Variants in PCDHA8 observed in about 807,000 individuals in gnomAD.
PCDHA8 encodes the protein protocadherin alpha 8.
In PCDHA8, 53 loss-of-function variants were observed where a neutral mutation model predicts 61.8. That is an observed-to-expected ratio of 0.86 (90% CI 0.69 to 1.08). The LOEUF is 1.08. Ranked by LOEUF, PCDHA8 falls within the 50% of genes least tolerant of loss-of-function variation. The pLI is 0.00. For missense variants in PCDHA8, 1,293 were observed against 1,245.0 expected (o/e 1.04, Z -0.58); for synonymous variants, 618 against 556.6 (o/e 1.11, Z -1.55).
chr5:140,883,004 G>A (rs1554176457), intron 1 of PCDHA8: 1 of 1,614,118 alleles, frequency 6.2e-7, no homozygotes, highest in East Asian at 2.2e-5. Flanking sequence ...TTACCAATCC[G>A]TTTATAAAGT....
At chr5:140,876,662 T>C in intron 1 of PCDHA8, 1 of 1,614,232 alleles carries the variant, frequency 6.2e-7, no homozygotes, top group Non-Finnish European at 8.5e-7. Flanking sequence ...CCCTTCAAGC[T>C]GGTGTCCACC....
rs2150326253 is a variant in PCDHA8 at position 140,841,946 on chromosome 5, C to A, written c.625C>A (p.His209Asn). 13 of 1,613,790 alleles carry A rather than the reference C, an allele frequency of 8.1e-6. No homozygotes were observed. The highest frequency in any genetic ancestry group is 2.7e-5 in the African/African-American group (2 of 74,876). ...GGACAGAGAGGACGCTCCTGCGCAC[C>A]ACTTATTCCTGACAGCCACAGATGG... ...SLDREDAPAH[H>N]LFLTATDGGK... The change falls in exon 1 of 4, where the codon CAC becomes AAC. Residue 209 changes from histidine (H) to asparagine (N), a missense_variant. Coordinates refer to ENST00000531613, the MANE Select transcript of PCDHA8 (RefSeq NM_018911.3).
intron 1 of PCDHA8, among the ~76,000 whole-genome samples, chr5:140,922,237 G>A (rs2080732766): frequency 6.6e-6 from 1 of 152,156 alleles, no homozygotes; most frequent in Non-Finnish European, 1.5e-5. Flanking sequence ...ACCATGATGT[G>A]TATGAAGATA....
At chr5:140,977,862 A>G (rs142967836) in intron 1 of PCDHA8, among the ~76,000 whole-genome samples, 3 of 152,372 alleles carry the variant, frequency 2.0e-5, no homozygotes, top group African/African-American at 7.2e-5. Context: ...TCTACCAAAT[A>G]TGGTAAGTAT....
chr5:140,966,705 G>A, intron 1 of PCDHA8: 1 of 1,379,198 alleles, frequency 7.3e-7, no homozygotes, highest in Non-Finnish European at 9.3e-7. Context: ...CGGGCGTGGG[G>A]CACGGCTGGG....
At chr5:141,000,415 A>T (rs1462372394) in intron 3 of PCDHA8, among the ~76,000 whole-genome samples, 8 of 87,370 alleles carry the variant, frequency 9.2e-5, no homozygotes, top group African/African-American at 2.5e-4. Flanking sequence ...ATATATATAT[A>T]TATATATTTT....
chr5:140,999,751 G>A (rs1167424188), intron 3 of PCDHA8, among the ~76,000 whole-genome samples: 1 of 152,150 alleles, frequency 6.6e-6, no homozygotes, highest in Non-Finnish European at 1.5e-5. Flanking sequence ...TGGGTTCGCA[G>A]CACATGATGT....
At chr5:140,856,112 GCC>G (rs2043785671) in intron 1 of PCDHA8, 1 of 1,598,078 alleles carries the variant, frequency 6.3e-7, no homozygotes, top group Non-Finnish European at 8.6e-7. Context: ...TCTCCTCGCA[GCC>G]TGGGAGGTGG....
intron 1 of PCDHA8, among the ~76,000 whole-genome samples, chr5:140,951,817 C>T (rs981107617): frequency 6.6e-6 from 1 of 152,146 alleles, no homozygotes; most frequent in Non-Finnish European, 1.5e-5. Flanking sequence ...CCCTCAAAGT[C>T]TGAACTCATT....
At chr5:140,881,244 C>T (rs1219638908) in intron 1 of PCDHA8, 9 of 397,012 alleles carry the variant, frequency 2.3e-5, no homozygotes, top group Non-Finnish European at 3.1e-5. Context: ...ATTTAAATGA[C>T]GGCAAGGTTT....
intron 1 of PCDHA8, chr5:140,866,616 C>G (rs1470168934): frequency 6.6e-6 from 1 of 152,048 alleles, no homozygotes; most frequent in Non-Finnish European, 1.5e-5. Context: ...TGGAGAACCT[C>G]CTGGGGTTCT....
chr5:141,005,626 C>T (rs554956978), intron 3 of PCDHA8, among the ~76,000 whole-genome samples: 5 of 136,646 alleles, frequency 3.7e-5, no homozygotes, highest in South Asian at 4.9e-4. Context: ...GGCGTGAACC[C>T]GGGAGGCGGA....
In PCDHA8 at chr5:140,937,572, G is replaced by C. The variant is rs113857647; in HGVS notation, c.2395-41377G>C. On this transcript the variant is annotated intron_variant, in intron 1 of 3. Transcript: ENST00000531613. ...GCAGAGGTTGCAGTGAGCTGGGATC[G>C]CGTCACTGCACTCTAGCCTGGGCAA... Among the ~76,000 whole-genome samples, 273 of 151,500 alleles carry C rather than the reference G, an allele frequency of 1.8e-3. 1 individual carries two copies. Among genetic ancestry groups the C allele is most frequent in the African/African-American group, 6.4e-3 (263 of 41,048 alleles).
chr5:140,973,556 C>A lies in PCDHA8; in HGVS notation c.2395-5393C>A, dbSNP rs993191449. Among the ~76,000 whole-genome samples the A allele has an allele frequency of 3.9e-5, 6 of 152,336 alleles. 1 individual carries two copies. In the South Asian group the frequency reaches 1.2e-3, roughly 32 times the overall value. ...ATACAATAATTTATTTCAATTACCT[C>A]TTTCCTCAATTTTTCTACAGACTGC... On this transcript the variant is annotated intron_variant, in intron 1 of 3. Coordinates refer to ENST00000531613, the MANE Select transcript of PCDHA8 (RefSeq NM_018911.3).
At chr5:140,858,713 G>A (rs1554151978) in intron 1 of PCDHA8, 3 of 521,676 alleles carry the variant, frequency 5.8e-6, no homozygotes, top group African/African-American at 3.9e-5. Context: ...TGTGATATAG[G>A]TTGCAGTTCT....
chr5:140,937,130 C>T (rs899242411), intron 1 of PCDHA8, among the ~76,000 whole-genome samples: 12 of 151,674 alleles, frequency 7.9e-5, no homozygotes, highest in Non-Finnish European at 1.3e-4. Flanking sequence ...CTCCGCCTCC[C>T]GGGTTCATGC....
intron 1 of PCDHA8, among the ~76,000 whole-genome samples, chr5:140,963,059 A>G (rs1307714661): frequency 6.6e-6 from 1 of 152,162 alleles, no homozygotes; most frequent in Non-Finnish European, 1.5e-5. Context: ...GGGTTTCTAC[A>G]TTGTGAAGGA....
intron 1 of PCDHA8, chr5:140,877,199 C>T (rs1345698735): frequency 8.7e-6 from 14 of 1,613,698 alleles, no homozygotes; most frequent in Non-Finnish European, 1.2e-5. Flanking sequence ...GCAGGAGGCG[C>T]AGTTAGCGAG....
chr5:140,958,900 C>T (rs246008), intron 1 of PCDHA8, among the ~76,000 whole-genome samples: 85,461 of 151,702 alleles, frequency 0.56, 24,676 homozygotes, highest in African/African-American at 0.69. Flanking sequence ...ATAATAGATA[C>T]AGAAAAGTCT....
Sources: gnomAD v4.1 joint callset for allele counts (sites outside exome capture counted in the v4.1 genomes callset) on GRCh38, gnomAD v4.1.1 for gene constraint, MANE v1.5 for transcripts, NCBI Gene and HGNC (gene_info 2026-07-23, HGNC 2026-07-21) for gene names.